CCSER1: variants seen among roughly 807,000 people sequenced by gnomAD.
The protein encoded by CCSER1 is serine-rich coiled-coil domain-containing protein 1.
CCSER1 carries 41 observed loss-of-function variants against 82.0 expected under a neutral mutation model. That is an observed-to-expected ratio of 0.50 (90% CI 0.39 to 0.65). The LOEUF (loss-of-function observed/expected upper bound fraction) is 0.65, where lower values mean the gene tolerates loss of function less well. Ranked by LOEUF, CCSER1 falls within the 30% of genes least tolerant of loss-of-function variation. CCSER1 has a pLI of 0.00. For missense variants in CCSER1, 1,119 were observed against 1,064.2 expected (o/e 1.05, Z -0.72); for synonymous variants, 414 against 383.9 (o/e 1.08, Z -0.92).
chr4:90,211,375 G>C (rs1739964595), intron 1 of CCSER1, among the ~76,000 whole-genome samples: 1 of 152,182 alleles, frequency 6.6e-6, no homozygotes, highest in African/African-American at 2.4e-5. Flanking sequence ...CAGCATTAGT[G>C]CTTTCAAGGG....
At chr4:90,724,140 C>T in intron 7 of CCSER1, 149 bp downstream of exon 7, 2 of 518,178 alleles carry the variant, frequency 3.9e-6, no homozygotes, top group Non-Finnish European at 7.1e-6. Flanking sequence ...TTGTGTGTTC[C>T]ATTGTCATTC....
At chr4:91,171,773 A>G (rs1479664270) in intron 10 of CCSER1, among the ~76,000 whole-genome samples, 1 of 149,622 alleles carries the variant, frequency 6.7e-6, no homozygotes, top group African/African-American at 2.6e-5. Context: ...ATTGGATATA[A>G]TAAAATAATC....
chr4:90,864,281 T>C (rs1765465966), intron 8 of CCSER1, among the ~76,000 whole-genome samples: 1 of 151,936 alleles, frequency 6.6e-6, no homozygotes, highest in Non-Finnish European at 1.5e-5. Flanking sequence ...AGAAAGAAGT[T>C]GGATTTAGGT....
intron 10 of CCSER1, among the ~76,000 whole-genome samples, chr4:91,212,959 T>C (rs1433858283): frequency 1.3e-5 from 2 of 152,174 alleles, no homozygotes; most frequent in African/African-American, 4.8e-5. Context: ...ATTCAATATT[T>C]AGCTCCCACT....
chr4:90,601,330 C>G (rs1784013920), intron 5 of CCSER1, among the ~76,000 whole-genome samples: 1 of 151,350 alleles, frequency 6.6e-6, no homozygotes, highest in South Asian at 2.1e-4. Flanking sequence ...ATTTAGATAT[C>G]CTTTATCAGG....
At chr4:91,278,170 C>T (rs983174471) in intron 10 of CCSER1, among the ~76,000 whole-genome samples, 2 of 152,022 alleles carry the variant, frequency 1.3e-5, no homozygotes, top group African/African-American at 2.4e-5. Context: ...TGAAATAATC[C>T]GTAAATGTCT....
chr4:91,247,291 G>A (rs1190727060), intron 10 of CCSER1, among the ~76,000 whole-genome samples: 1 of 133,162 alleles, frequency 7.5e-6, no homozygotes, highest in Non-Finnish European at 1.6e-5. Context: ...GACAGAGCAA[G>A]ACTCCGTCTC....
intron 10 of CCSER1, among the ~76,000 whole-genome samples, chr4:91,337,415 A>G (rs183773824): frequency 6.6e-6 from 1 of 152,294 alleles, no homozygotes; most frequent in Non-Finnish European, 1.5e-5. Context: ...CTGTTCAGTT[A>G]ATCTAAATTG....
intron 10 of CCSER1, among the ~76,000 whole-genome samples, chr4:91,097,682 G>A (rs796427101): frequency 4.6e-5 from 7 of 152,024 alleles, no homozygotes; most frequent in African/African-American, 9.6e-5. Context: ...AAAAATCCCC[G>A]CTTGTGTTTT....
chr4:91,069,978 C>T (rs552311561), intron 9 of CCSER1, among the ~76,000 whole-genome samples: 1 of 140,850 alleles, frequency 7.1e-6, no homozygotes, highest in South Asian at 2.6e-4. Context: ...TTAAGTAAAC[C>T]TTTTTTAATT....
intron 1 of CCSER1, among the ~76,000 whole-genome samples, chr4:90,251,468 A>T (rs772950368): frequency 6.6e-6 from 1 of 151,846 alleles, no homozygotes; most frequent in Non-Finnish European, 1.5e-5. Flanking sequence ...CTGTTTCTGC[A>T]TCTATAACAG....
intron 5 of CCSER1, among the ~76,000 whole-genome samples, chr4:90,569,328 T>G (rs992823062): frequency 6.6e-6 from 1 of 152,128 alleles, no homozygotes; most frequent in Non-Finnish European, 1.5e-5. Context: ...ATTTGTGGCC[T>G]GAAGCTCTGG....
At chr4:90,359,823 ATGTGTATATATATGTGTATATATATG>A (rs1158207655) in intron 3 of CCSER1, among the ~76,000 whole-genome samples, 16 of 150,072 alleles carry the variant, frequency 1.1e-4, no homozygotes, top group Non-Finnish European at 1.8e-4. Flanking sequence ...ATATATAGAT[ATGTGTATATATATGTGTATATATATG>A]TGTGTATATA....
At chr4:91,180,461 G>T (rs1028157416) in intron 10 of CCSER1, among the ~76,000 whole-genome samples, 1 of 152,268 alleles carries the variant, frequency 6.6e-6, no homozygotes, top group Admixed American at 6.5e-5. Flanking sequence ...GCTCCACCTA[G>T]TTCGAGCTTC....
At chr4:90,876,127 C>G (rs1253526288) in intron 8 of CCSER1, among the ~76,000 whole-genome samples, 1 of 151,996 alleles carries the variant, frequency 6.6e-6, no homozygotes, top group Non-Finnish European at 1.5e-5. Flanking sequence ...TGATTGCCCC[C>G]TTTTTCCCCT....
At chr4:90,299,353 T>C (rs114227440) in intron 1 of CCSER1, among the ~76,000 whole-genome samples, 2,156 of 152,278 alleles carry the variant, frequency 0.014, 62 homozygotes, top group African/African-American at 0.049. Context: ...ACATTTCTTA[T>C]ATAAGCAATT....
At chr4:91,252,037 A>G (rs990952883) in intron 10 of CCSER1, among the ~76,000 whole-genome samples, 3 of 152,208 alleles carry the variant, frequency 2.0e-5, no homozygotes, top group Admixed American at 6.5e-5. Flanking sequence ...ACACATTATA[A>G]TCAAACTTTT....
chr4:90,444,876 C>T (rs1560527506), intron 4 of CCSER1, among the ~76,000 whole-genome samples: 1 of 151,948 alleles, frequency 6.6e-6, no homozygotes. Context: ...CTTAAAGTCT[C>T]ATTTCTGATG....
At chr4:91,366,028 G>A (rs1357611504) in intron 10 of CCSER1, among the ~76,000 whole-genome samples, 1 of 151,988 alleles carries the variant, frequency 6.6e-6, no homozygotes, top group East Asian at 1.9e-4. Flanking sequence ...TCTTTGGGGG[G>A]TAGGGGTGAG....
Sources: allele counts gnomAD v4.1 joint callset (sites outside exome capture counted in the v4.1 genomes callset), GRCh38; gene constraint gnomAD v4.1.1; transcripts MANE v1.5; gene names NCBI Gene and HGNC (gene_info 2026-07-23, HGNC 2026-07-21).